The following CFAP299 variants were observed in gnomAD, a reference collection of about 807,000 sequenced individuals.
CFAP299 encodes the protein cilia and flagella associated protein 299.
In CFAP299, 21 loss-of-function variants were observed where a neutral mutation model predicts 27.0. The ratio of observed to expected loss-of-function variants is 0.78; its 90% CI spans 0.55 to 1.12. The LOEUF is 1.12. Ranked by LOEUF, CFAP299 falls within the 50% of genes most tolerant of loss-of-function variation. CFAP299 has a pLI of 0.00. For missense variants in CFAP299, 310 were observed against 276.6 expected (o/e 1.12, Z -0.86); for synonymous variants, 104 against 98.1 (o/e 1.06, Z -0.36).
At chr4:80,664,719 C>G (rs1223165266) in intron 3 of CFAP299, among the ~76,000 whole-genome samples, 1 of 151,972 alleles carries the variant, frequency 6.6e-6, no homozygotes, top group African/African-American at 2.4e-5. Context: ...GGTTCAGCCC[C>G]CTTTCCAGGG....
At chr4:80,370,407 CA>C (rs552141302) in intron 2 of CFAP299, among the ~76,000 whole-genome samples, 152 of 152,202 alleles carry the variant, frequency 1.0e-3, no homozygotes, top group Non-Finnish European at 1.7e-3. Context: ...GCCTTCCCAA[CA>C]GTCCCCCAAA....
intron 3 of CFAP299, among the ~76,000 whole-genome samples, chr4:80,661,938 C>T (rs558622218): frequency 6.6e-6 from 1 of 152,256 alleles, no homozygotes; most frequent in South Asian, 2.1e-4. Context: ...ATAAAATAAG[C>T]CCCAGTCTCC....
At chr4:80,769,301 T>C (rs975772028) in intron 3 of CFAP299, among the ~76,000 whole-genome samples, 34 of 152,348 alleles carry the variant, frequency 2.2e-4, no homozygotes, top group Middle Eastern at 3.4e-3. Context: ...AAGTCTATTA[T>C]AAAACTTTTA....
chr4:80,518,416 A>G (rs1417686626), intron 2 of CFAP299, among the ~76,000 whole-genome samples: 1 of 152,178 alleles, frequency 6.6e-6, no homozygotes, highest in Non-Finnish European at 1.5e-5. Flanking sequence ...CCTGACTCTA[A>G]CATAAACAGA....
At chr4:80,462,052 G>A (rs1729464172) in intron 2 of CFAP299, among the ~76,000 whole-genome samples, 1 of 151,978 alleles carries the variant, frequency 6.6e-6, no homozygotes, top group African/African-American at 2.4e-5. Context: ...GGCCATCCTG[G>A]GATTCCCAAA....
At chr4:80,768,259 C>T (rs1256886039) in intron 3 of CFAP299, among the ~76,000 whole-genome samples, 7 of 152,106 alleles carry the variant, frequency 4.6e-5, no homozygotes, top group East Asian at 1.9e-4. Context: ...GCATGTTACA[C>T]CTCAGAATTA....
At chr4:80,907,633 G>T (rs1355843235) in intron 4 of CFAP299, among the ~76,000 whole-genome samples, 1 of 152,124 alleles carries the variant, frequency 6.6e-6, no homozygotes. Context: ...CAGAGTGAAG[G>T]AGGAAAAGCC....
intron 3 of CFAP299, among the ~76,000 whole-genome samples, chr4:80,670,144 C>T (rs1464551334): frequency 1.2e-4 from 18 of 151,976 alleles, no homozygotes; most frequent in Non-Finnish European, 1.5e-5. Context: ...CTCTTGCCCC[C>T]CTCCCCATGA....
chr4:80,604,286 A>G (rs897581206), intron 3 of CFAP299, among the ~76,000 whole-genome samples: 1 of 152,166 alleles, frequency 6.6e-6, no homozygotes, highest in African/African-American at 2.4e-5. Flanking sequence ...AGAAAATAAT[A>G]AAGTAAGAGA....
chr4:80,619,730 C>T (rs1188477943), intron 3 of CFAP299, among the ~76,000 whole-genome samples: 1 of 152,004 alleles, frequency 6.6e-6, no homozygotes, highest in Non-Finnish European at 1.5e-5. Context: ...CTGGCTGTGA[C>T]AGCTTATTTC....
the CFAP299 span, among the ~76,000 whole-genome samples, chr4:80,329,294 A>G: frequency 6.6e-6 from 1 of 150,530 alleles, no homozygotes; most frequent in African/African-American, 2.5e-5. Flanking sequence ...TCTCCAATTT[A>G]CTTAGTTCAT....
chr4:80,798,464 A>G lies in CFAP299; in HGVS notation c.334-71529A>G, dbSNP rs144429053. On this transcript the variant is annotated intron_variant, in intron 3 of 5. Coordinates refer to ENST00000358105, the MANE Select transcript of CFAP299 (RefSeq NM_152770.3). ...CATCAGTGTCCTCCCACACATCCCC[A>G]TTCCATGTTGGAGGATCATTCTTTT... Among the ~76,000 whole-genome samples, 26 of 152,188 alleles carry G rather than the reference A, an allele frequency of 1.7e-4. No individual in the cohort carries two copies. The East Asian group carries it at 4.6e-3, about 27-fold the overall frequency.
chr4:80,519,893 AGT>A (rs1391587039), intron 2 of CFAP299, among the ~76,000 whole-genome samples: 3 of 152,200 alleles, frequency 2.0e-5, no homozygotes, highest in Non-Finnish European at 4.4e-5. Context: ...CTATATAGTC[AGT>A]CTATAGCTGC....
intron 2 of CFAP299, among the ~76,000 whole-genome samples, chr4:80,462,166 T>C (rs905738592): frequency 6.6e-6 from 1 of 152,180 alleles, no homozygotes; most frequent in African/African-American, 2.4e-5. Flanking sequence ...AGAAGATAAA[T>C]GCGTTTTCTC....
In CFAP299 at chr4:80,649,307, T is replaced by C. The variant is rs574450869; in HGVS notation, c.333+66124T>C. ...AACATCTGTTAAGATGGGTATAAAG[T>C]GTTATGGGAGACCCTGTAAAATAAT... On this transcript the variant is annotated intron_variant, in intron 3 of 5. Coordinates refer to ENST00000358105, the MANE Select transcript of CFAP299 (RefSeq NM_152770.3). 3.3e-5 allele frequency: 5 copies of C among 152,256 alleles called. No homozygotes were observed. The South Asian group carries it at 1.0e-3, about 32-fold the overall frequency. The allele number at this position is 152,256 out of a possible 1,614,324, so 9.4% of individuals were successfully genotyped here. A position where few individuals can be genotyped will look rare whatever the true frequency, so the allele number is the denominator to read the frequency against.
At chr4:80,928,914 C>T (rs185923059) in intron 4 of CFAP299, among the ~76,000 whole-genome samples, 1 of 152,098 alleles carries the variant, frequency 6.6e-6, no homozygotes, top group African/African-American at 2.4e-5. Flanking sequence ...TCATAACTCT[C>T]CTTGTATGTT....
intron 3 of CFAP299, among the ~76,000 whole-genome samples, chr4:80,708,484 G>C (rs1381094463): frequency 6.6e-6 from 1 of 152,038 alleles, no homozygotes; most frequent in African/African-American, 2.4e-5. Context: ...ATTTCCAGTT[G>C]AATTATACTC....
At chr4:80,572,112 A>G (rs906463160) in intron 2 of CFAP299, among the ~76,000 whole-genome samples, 2 of 152,180 alleles carry the variant, frequency 1.3e-5, no homozygotes, top group Non-Finnish European at 2.9e-5. Flanking sequence ...ATTTTGATAC[A>G]TGCAGAGTAA....
At chr4:80,702,080 G>A (rs573398067) in intron 3 of CFAP299, among the ~76,000 whole-genome samples, 3 of 151,738 alleles carry the variant, frequency 2.0e-5, no homozygotes, top group Admixed American at 6.6e-5. Context: ...ATGAGGTGAG[G>A]TGGAAAGAAC....
Sources: allele counts gnomAD v4.1 joint callset (sites outside exome capture counted in the v4.1 genomes callset), GRCh38; gene constraint gnomAD v4.1.1; transcripts MANE v1.5; gene names NCBI Gene and HGNC (gene_info 2026-07-23, HGNC 2026-07-21).